KCNIP4: variants seen among roughly 807,000 people sequenced by gnomAD.
The protein encoded by KCNIP4 is potassium voltage-gated channel interacting protein 4.
Under a neutral mutation model 34.0 loss-of-function variants are expected in KCNIP4, and 12 were observed. That is an observed-to-expected ratio of 0.35 (90% CI 0.23 to 0.57). The LOEUF is 0.57. KCNIP4 is among the 20% of genes least tolerant of loss of function. The pLI is 0.83. For synonymous variants in KCNIP4, 124 were observed against 102.2 expected (o/e 1.21, Z -1.29); for missense variants, 238 against 311.7 (o/e 0.76, Z 1.78).
At chr4:21,458,263 G>A (rs1015237761) in intron 1 of KCNIP4, among the ~76,000 whole-genome samples, 3 of 150,834 alleles carry the variant, frequency 2.0e-5, no homozygotes, top group Non-Finnish European at 4.4e-5. Context: ...TTGTTCTTGC[G>A]ATAGTTTACT....
chr4:21,719,698 CAA>C (rs1577898900), intron 1 of KCNIP4, among the ~76,000 whole-genome samples: 1 of 152,004 alleles, frequency 6.6e-6, no homozygotes, highest in Non-Finnish European at 1.5e-5. Context: ...CATGGTGGCT[CAA>C]GCCTGTAATC....
At chr4:21,757,628 T>G (rs1314420319) in intron 1 of KCNIP4, among the ~76,000 whole-genome samples, 1 of 152,170 alleles carries the variant, frequency 6.6e-6, no homozygotes, top group African/African-American at 2.4e-5. Context: ...AGTCCTGAGT[T>G]TATATTCTGG....
chr4:20,858,211 C>CAAAAAA lies in KCNIP4; in HGVS notation c.164-7550_164-7545dup, dbSNP rs778798968. On this transcript the variant is annotated intron_variant, in intron 2 of 8. Coordinates refer to ENST00000382152, the MANE Select transcript of KCNIP4 (RefSeq NM_025221.6). ...GGGCAATGAGAGTGAAACTCCATCT[C>CAAAAAA]AAAAAAAAAAAAAAAAAAAAAAAAA... Among the ~76,000 whole-genome samples the CAAAAAA allele has an allele frequency of 2.8e-4, 20 of 70,736 alleles. 3 individuals carry two copies. Among genetic ancestry groups the CAAAAAA allele is most frequent in the East Asian group, 8.7e-4 (1 of 1,156 alleles). 46.4% of individuals were successfully genotyped at this position (70,736 alleles called of 152,430 possible). A position where few individuals can be genotyped will look rare whatever the true frequency, so the allele number is the denominator to read the frequency against.
intron 1 of KCNIP4, among the ~76,000 whole-genome samples, chr4:21,156,022 G>GT (rs1375225613): frequency 6.6e-6 from 1 of 152,004 alleles, no homozygotes; most frequent in Non-Finnish European, 1.5e-5. Context: ...CAATAAATAG[G>GT]TAAGCACAGA....
At chr4:20,822,396 C>T (rs1168281201) in intron 3 of KCNIP4, among the ~76,000 whole-genome samples, 2 of 152,042 alleles carry the variant, frequency 1.3e-5, no homozygotes, top group Non-Finnish European at 2.9e-5. Flanking sequence ...GCAAGAATGG[C>T]CATAATTAAG....
chr4:21,366,085 A>G (rs111290299), intron 1 of KCNIP4, among the ~76,000 whole-genome samples: 1 of 152,170 alleles, frequency 6.6e-6, no homozygotes, highest in Non-Finnish European at 1.5e-5. Context: ...AGGCTTAGGA[A>G]TTGCACTTTT....
intron 1 of KCNIP4, among the ~76,000 whole-genome samples, chr4:21,933,197 A>G (rs1429855071): frequency 6.6e-6 from 1 of 152,050 alleles, no homozygotes; most frequent in Non-Finnish European, 1.5e-5. Flanking sequence ...TGCAGGGACC[A>G]AGATCAGATA....
At chr4:21,201,380 T>C (rs973527143) in intron 1 of KCNIP4, among the ~76,000 whole-genome samples, 9 of 152,230 alleles carry the variant, frequency 5.9e-5, no homozygotes, top group Non-Finnish European at 1.3e-4. Flanking sequence ...ACTGAAAATA[T>C]GATTAAATGT....
At chr4:21,560,441 A>T (rs1739420685) in intron 1 of KCNIP4, among the ~76,000 whole-genome samples, 1 of 152,138 alleles carries the variant, frequency 6.6e-6, no homozygotes, top group Admixed American at 6.6e-5. Flanking sequence ...TTAAATATTC[A>T]CAAATACAGC....
In KCNIP4 at chr4:21,442,192, T is replaced by G. The variant is rs150179883; in HGVS notation, c.61+506379A>C. Among the ~76,000 whole-genome samples, 674 of 152,270 alleles carry G rather than the reference T, an allele frequency of 4.4e-3. 8 individuals are homozygous for G. Among genetic ancestry groups the G allele is most frequent in the African/African-American group, 0.015 (642 of 41,538 alleles). ...AAGCTTATTGAGTTAGAGGGTACCA[T>G]AGACATCTTCCTCTCCCAGGCTTGC... On this transcript the variant is annotated intron_variant, in intron 1 of 8. Transcript: ENST00000382152.
chr4:21,561,651 A>T (rs1449836857), intron 1 of KCNIP4, among the ~76,000 whole-genome samples: 1 of 151,956 alleles, frequency 6.6e-6, no homozygotes, highest in Non-Finnish European at 1.5e-5. Flanking sequence ...CCACTAAAAA[A>T]ATCAGACAAA....
intron 1 of KCNIP4, among the ~76,000 whole-genome samples, chr4:21,927,940 A>C (rs2109004026): frequency 6.6e-6 from 1 of 152,204 alleles, no homozygotes; most frequent in African/African-American, 2.4e-5. Context: ...TACACTCTAA[A>C]ACAGGGCCTG....
intron 1 of KCNIP4, among the ~76,000 whole-genome samples, chr4:20,889,312 A>T (rs1455588945): frequency 6.6e-6 from 1 of 152,192 alleles, no homozygotes; most frequent in Non-Finnish European, 1.5e-5. Flanking sequence ...TCTATAAACA[A>T]GGGACTATAA....
At chr4:21,647,542 T>C (rs1000019842) in intron 1 of KCNIP4, among the ~76,000 whole-genome samples, 1 of 152,152 alleles carries the variant, frequency 6.6e-6, no homozygotes, top group East Asian at 1.9e-4. Flanking sequence ...TATTAAGAAG[T>C]TGACAGATAA....
intron 1 of KCNIP4, among the ~76,000 whole-genome samples, chr4:21,763,349 A>G (rs949739882): frequency 4.6e-5 from 7 of 152,206 alleles, no homozygotes; most frequent in African/African-American, 1.7e-4. Flanking sequence ...AGCTTAGCCT[A>G]GTTATAACTA....
intron 1 of KCNIP4, among the ~76,000 whole-genome samples, chr4:21,501,788 C>G (rs549349438): frequency 2.0e-5 from 3 of 150,722 alleles, no homozygotes; most frequent in African/African-American, 7.3e-5. Flanking sequence ...GGTTAACCAA[C>G]CTTAAATGCA....
At chr4:21,545,219 A>T (rs1458240534) in intron 1 of KCNIP4, among the ~76,000 whole-genome samples, 1 of 152,032 alleles carries the variant, frequency 6.6e-6, no homozygotes, top group Admixed American at 6.6e-5. Context: ...ATGGTCTAAA[A>T]AGGGGAGGAA....
chr4:21,852,895 A>C (rs1241666660), intron 1 of KCNIP4: 2 of 152,224 alleles, frequency 1.3e-5, no homozygotes, highest in African/African-American at 2.4e-5. Context: ...TTACTGTTAC[A>C]ATTCCCCACA....
rs377607460 is a variant in KCNIP4 at position 21,325,622 on chromosome 4, ACTT to A, written c.62-442916_62-442914del. Among the ~76,000 whole-genome samples, 884 of 151,010 alleles carry A rather than the reference ACTT, an allele frequency of 5.9e-3. 12 individuals are homozygous for A. Among genetic ancestry groups the A allele is most frequent in the African/African-American group, 0.021 (862 of 41,216 alleles). On this transcript the variant is annotated intron_variant, in intron 1 of 8. Transcript: ENST00000382152. ...ATTTATTTCTGCTCTGATCTTTATT[ACTT>A]CTTCTACTAACTTTGGGTTTGGTTT...
Sources: allele counts gnomAD v4.1 joint callset (sites outside exome capture counted in the v4.1 genomes callset), GRCh38; gene constraint gnomAD v4.1.1; transcripts MANE v1.5; gene names NCBI Gene and HGNC (gene_info 2026-07-23, HGNC 2026-07-21).